Variants in SLC24A2 observed in about 807,000 individuals in gnomAD.
SLC24A2 encodes the protein sodium/potassium/calcium exchanger 2.
SLC24A2 carries 36 observed loss-of-function variants against 62.0 expected under a neutral mutation model. The observed-to-expected ratio is 0.58, with a 90% CI of 0.44 to 0.77. The LOEUF is 0.77. Ranked by LOEUF, SLC24A2 falls within the 30% of genes least tolerant of loss-of-function variation. The pLI, the probability that SLC24A2 is intolerant of heterozygous loss-of-function variation, is 0.00. For missense variants in SLC24A2, 846 were observed against 817.9 expected (o/e 1.03, Z -0.42); for synonymous variants, 358 against 294.0 (o/e 1.22, Z -2.23).
chr9:20,305,195 C>A, the SLC24A2 span, among the ~76,000 whole-genome samples: 2 of 151,218 alleles, frequency 1.3e-5, no homozygotes, highest in Admixed American at 6.6e-5. Context: ...TGCATCTCTG[C>A]CTCGCAGGTT....
chr9:20,229,860 T>C, the SLC24A2 span, among the ~76,000 whole-genome samples: 2 of 152,020 alleles, frequency 1.3e-5, no homozygotes, highest in African/African-American at 2.4e-5. Context: ...ATTAGGTATA[T>C]GTCCTAATGC....
intron 4 of SLC24A2, among the ~76,000 whole-genome samples, chr9:19,605,426 C>T (rs1836957097): frequency 6.6e-6 from 1 of 152,070 alleles, no homozygotes. Flanking sequence ...ATTTCCTTCT[C>T]ATTGTACAAA....
intron 3 of SLC24A2, among the ~76,000 whole-genome samples, chr9:19,621,821 A>G (rs1817915793): frequency 6.6e-6 from 1 of 152,220 alleles, no homozygotes; most frequent in African/African-American, 2.4e-5. Context: ...ATATACATTA[A>G]GTATATAGGT....
intron 5 of SLC24A2, among the ~76,000 whole-genome samples, chr9:19,579,980 T>G (rs1290368597): frequency 6.6e-6 from 1 of 152,192 alleles, no homozygotes; most frequent in Non-Finnish European, 1.5e-5. Context: ...AACCCTAGAA[T>G]TGGAATTTTA....
the SLC24A2 span, among the ~76,000 whole-genome samples, chr9:20,225,944 G>A: frequency 6.6e-6 from 1 of 151,902 alleles, no homozygotes; most frequent in Non-Finnish European, 1.5e-5. Context: ...AAGAAGGGAG[G>A]AAGAGAGAGA....
At chr9:20,261,400 G>A in the SLC24A2 span, among the ~76,000 whole-genome samples, 1 of 152,196 alleles carries the variant, frequency 6.6e-6, no homozygotes, top group Admixed American at 6.5e-5. Flanking sequence ...AAGTGCAAAA[G>A]GGAGGATAGG....
rs1416823908 is a variant in SLC24A2 at position 19,787,007 on chromosome 9, T to G, written c.-141A>C. On this transcript the variant is annotated 5_prime_UTR_variant, in exon 2 of 11. Transcript: ENST00000341998. ...GGATTGTTATGCTTCACAGGAAACT[T>G]TCATCATTTATGCTTAAATAAAAAT... 2.1e-6 allele frequency: 3 copies of G among 1,417,608 alleles called. No homozygotes were observed. The African/African-American group carries it at 4.3e-5, about 20-fold the overall frequency. 87.8% of individuals were successfully genotyped at this position (1,417,608 alleles called of 1,614,324 possible).
chr9:19,714,284 C>T (rs13301793), intron 2 of SLC24A2, among the ~76,000 whole-genome samples: 26,414 of 152,000 alleles, frequency 0.17, 2,539 homozygotes, highest in Non-Finnish European at 0.22. Flanking sequence ...CCAAAGGTGG[C>T]CCTACAAGTT....
At chr9:19,975,727 G>A in the SLC24A2 span, among the ~76,000 whole-genome samples, 1 of 151,564 alleles carries the variant, frequency 6.6e-6, no homozygotes, top group East Asian at 1.9e-4. Context: ...ACTCATTTGG[G>A]TTGGAGACTT....
At chr9:20,053,876 C>T in the SLC24A2 span, among the ~76,000 whole-genome samples, 27 of 152,204 alleles carry the variant, frequency 1.8e-4, no homozygotes, top group Non-Finnish European at 2.5e-4. Context: ...GACACTCCTG[C>T]GTTTTCTACA....
the SLC24A2 span, among the ~76,000 whole-genome samples, chr9:20,082,625 G>A: frequency 6.6e-6 from 1 of 152,318 alleles, no homozygotes; most frequent in African/African-American, 2.4e-5. Flanking sequence ...AGATGTAAAT[G>A]TTCTTGTGCC....
chr9:19,928,470 C>A, the SLC24A2 span: 1 of 152,180 alleles, frequency 6.6e-6, no homozygotes, highest in Non-Finnish European at 1.5e-5. Flanking sequence ...AGCTGAGTGA[C>A]CTTGAGAAAG....
the SLC24A2 span, among the ~76,000 whole-genome samples, chr9:20,093,921 T>C: frequency 1.3e-5 from 2 of 152,308 alleles, no homozygotes; most frequent in African/African-American, 4.8e-5. Context: ...ATGTAGCCCA[T>C]AAATATATAC....
the SLC24A2 span, among the ~76,000 whole-genome samples, chr9:20,290,835 T>G: frequency 1.3e-5 from 2 of 152,188 alleles, no homozygotes; most frequent in Non-Finnish European, 2.9e-5. Context: ...GATGGAGTCC[T>G]CAGAGGCCAT....
chr9:20,007,879 C>CTCTT, the SLC24A2 span, among the ~76,000 whole-genome samples: 8 of 39,542 alleles, frequency 2.0e-4, 1 homozygote, highest in Admixed American at 7.3e-4. Context: ...TTACTCCTCT[C>CTCTT]TTTTTTTTTT....
chr9:19,616,031 C>CACACACAG (rs1473255946), intron 4 of SLC24A2, among the ~76,000 whole-genome samples: 3 of 146,994 alleles, frequency 2.0e-5, no homozygotes, highest in African/African-American at 7.7e-5. Flanking sequence ...CACACACACA[C>CACACACAG]ACACACAGTT....
chr9:19,919,284 G>T, the SLC24A2 span, among the ~76,000 whole-genome samples: 1 of 152,078 alleles, frequency 6.6e-6, no homozygotes, highest in African/African-American at 2.4e-5. Flanking sequence ...GTGATTCCAT[G>T]CCTTCTTTCA....
At chr9:20,234,138 T>A in the SLC24A2 span, among the ~76,000 whole-genome samples, 1 of 152,236 alleles carries the variant, frequency 6.6e-6, no homozygotes, top group Non-Finnish European at 1.5e-5. Flanking sequence ...AACCCGACCT[T>A]TCTCTCTGGC....
chr9:20,003,405 T>A, the SLC24A2 span, among the ~76,000 whole-genome samples: 67 of 152,322 alleles, frequency 4.4e-4, no homozygotes, highest in African/African-American at 1.6e-3. Context: ...CTTCGTCTTA[T>A]GAGATTTGAT....
Sources: allele counts gnomAD v4.1 joint callset (sites outside exome capture counted in the v4.1 genomes callset), GRCh38; gene constraint gnomAD v4.1.1; transcripts MANE v1.5; gene names NCBI Gene and HGNC (gene_info 2026-07-23, HGNC 2026-07-21).